Variants in COL11A1 observed in about 807,000 individuals in gnomAD.
The protein encoded by COL11A1 is collagen type XI alpha 1 chain.
COL11A1 carries 74 observed loss-of-function variants against 265.2 expected under a neutral mutation model. The ratio of observed to expected loss-of-function variants is 0.28; its 90% CI spans 0.23 to 0.34. The LOEUF (loss-of-function observed/expected upper bound fraction) is 0.34, where lower values mean the gene tolerates loss of function less well. Ranked by LOEUF, COL11A1 falls within the 10% of genes least tolerant of loss-of-function variation. COL11A1 has a pLI of 1.00. For synonymous variants in COL11A1, 816 were observed against 727.6 expected, an observed-to-expected ratio of 1.12 and a Z score of -1.96; for missense variants, 2,165 against 2,263.6, an observed-to-expected ratio of 0.96 and a Z score of 0.88.
At chr1:103,026,775 G>A (rs1667556114) in intron 5 of COL11A1, among the ~76,000 whole-genome samples, 1 of 152,010 alleles carries the variant, frequency 6.6e-6, no homozygotes, top group Non-Finnish European at 1.5e-5. Context: ...AATGTAGAGA[G>A]TAGTCTTCCT....
At chr1:102,990,207 CA>C (rs1054218978) in intron 28 of COL11A1, among the ~76,000 whole-genome samples, 18 of 152,148 alleles carry the variant, frequency 1.2e-4, no homozygotes, top group African/African-American at 4.3e-4. Flanking sequence ...ACAAGAACAA[CA>C]ACAACAAAAG....
In COL11A1 at chr1:103,078,685, A is replaced by C. The variant is rs1290031569; in HGVS notation, c.461T>G (p.Phe154Cys). Residue 154 changes from phenylalanine (F) to cysteine (C), a missense_variant, in exon 3 of 67, where the codon TTC becomes TGC. Physicochemically the swap from Phe to Cys is radical, Grantham distance 205. Transcript: ENST00000370096. ...CCCGTCAGCGATGTTAACAGTTCTG[A>C]AGAGGGGATAGTCTTCTGGGGCAGG... is the stretch of plus-strand genomic sequence containing the variant. ...GKPAPEDYPLFRTVNIADGKW... is the reference protein window; with the variant it reads ...GKPAPEDYPLCRTVNIADGKW... The C allele has an allele frequency of 6.2e-7, 1 of 1,613,366 alleles. No individual in the cohort carries two copies.
At chr1:102,890,325 T>C (rs1441383775) in intron 58 of COL11A1, 126 bp downstream of exon 58, 5 of 866,080 alleles carry the variant, frequency 5.8e-6, no homozygotes, top group Admixed American at 5.4e-5. Context: ...GGATTGAAGC[T>C]TTTTTCAGGG....
chr1:102,947,881 G>T (rs1395909804), intron 41 of COL11A1, among the ~76,000 whole-genome samples: 1 of 151,532 alleles, frequency 6.6e-6, no homozygotes, highest in Non-Finnish European at 1.5e-5. Context: ...ATTCTCAGAG[G>T]GGTGATTGAA....
chr1:103,016,204 T>A (rs562203058), intron 11 of COL11A1, among the ~76,000 whole-genome samples: 1 of 152,044 alleles, frequency 6.6e-6, no homozygotes, highest in East Asian at 1.9e-4. Context: ...AATACTTAAC[T>A]ACATACTATA....
intron 11 of COL11A1, 110 bp downstream of exon 11, chr1:103,017,710 T>C: frequency 1.1e-6 from 1 of 923,424 alleles, no homozygotes; most frequent in Non-Finnish European, 1.8e-6. Context: ...ATGCTGCCTT[T>C]ACCCCTCCCA....
chr1:102,913,873 A>T (rs1044687557), intron 52 of COL11A1, among the ~76,000 whole-genome samples, 183 bp from the exon 53 acceptor site: 2 of 152,180 alleles, frequency 1.3e-5, no homozygotes, highest in African/African-American at 4.8e-5. Flanking sequence ...CCGCAAAAAA[A>T]TTTGTAAAAC....
At chr1:103,100,719 G>A (rs1216602888) in intron 1 of COL11A1, 3 of 151,968 alleles carry the variant, frequency 2.0e-5, no homozygotes, top group Non-Finnish European at 2.9e-5. Flanking sequence ...AGAAGCATTA[G>A]AACACCCAGC....
chr1:102,933,014 CA>C (rs1657676602), intron 46 of COL11A1, among the ~76,000 whole-genome samples: 1 of 132,260 alleles, frequency 7.6e-6, no homozygotes, highest in Non-Finnish European at 1.6e-5. Context: ...TCAAAGTTTT[CA>C]ACTTCTTTGC....
At chr1:102,902,091 G>C (rs1306719169) in intron 54 of COL11A1, among the ~76,000 whole-genome samples, 2 of 152,186 alleles carry the variant, frequency 1.3e-5, no homozygotes, top group Non-Finnish European at 2.9e-5. Flanking sequence ...GAGTTGATGA[G>C]AGAGGGATGG....
rs758803832 is a variant in COL11A1, at chr1:103,025,603, A to G, written c.908T>C (p.Val303Ala). The G allele has an allele frequency of 6.2e-7, 1 of 1,613,506 alleles. No individual in the cohort carries two copies. Among genetic ancestry groups the G allele is most frequent in the South Asian group, 1.1e-5 (1 of 91,072 alleles). ...ETIAQTEANI[V>A]DDFQEYNYGT... is the part of the protein sequence containing the mutation. ...ATAGTTGTATTCTTGAAAATCATCA[A>G]CGATGTTTGCCTAATGGTAAATTCA... is the stretch of plus-strand genomic sequence containing the variant. The change falls in exon 7 of 67, where the codon GTT (valine) becomes GCT (alanine). Residue 303 changes from valine (V) to alanine (A), a missense_variant. By Grantham distance (64) the Val-to-Ala change is moderately conservative. Coordinates refer to ENST00000370096, the MANE Select transcript of COL11A1 (RefSeq NM_001854.4).
At chr1:102,927,068 T>A (rs151336832) in intron 46 of COL11A1, among the ~76,000 whole-genome samples, 4,824 of 152,236 alleles carry the variant, frequency 0.032, 103 homozygotes, top group Middle Eastern at 0.079. Flanking sequence ...ATTGTGTTCA[T>A]GATGCAATTT....
At chr1:103,055,901 C>A (rs1378936978) in intron 4 of COL11A1, among the ~76,000 whole-genome samples, 1 of 152,098 alleles carries the variant, frequency 6.6e-6, no homozygotes. Context: ...ACTGTGTGAG[C>A]CCGCTACAGC....
intron 63 of COL11A1, 92 bp from the exon 64 acceptor site, chr1:102,883,403 G>A: frequency 3.6e-6 from 3 of 826,964 alleles, no homozygotes; most frequent in Non-Finnish European, 6.3e-6. Context: ...AGAGAAATAA[G>A]GAAAATACAT....
intron 41 of COL11A1, among the ~76,000 whole-genome samples, chr1:102,960,701 T>A (rs186778964): frequency 6.6e-6 from 1 of 151,960 alleles, no homozygotes; most frequent in East Asian, 1.9e-4. Context: ...CAAGACAACA[T>A]TCAATGCATT....
intron 1 of COL11A1, 107 bp from the exon 2 acceptor site, chr1:103,083,079 T>A (rs1672543509): frequency 9.1e-7 from 1 of 1,093,376 alleles, no homozygotes; most frequent in Non-Finnish European, 1.3e-6. Flanking sequence ...TGAATCTATT[T>A]ATCACTTGCC....
chr1:103,082,692 C>T, intron 2 of COL11A1, 113 bp downstream of exon 2: 2 of 943,908 alleles, frequency 2.1e-6, no homozygotes, highest in Non-Finnish European at 3.2e-6. Flanking sequence ...TGCACATTAT[C>T]TAACCTGATA....
intron 14 of COL11A1, among the ~76,000 whole-genome samples, chr1:103,009,692 G>A (rs1665943053): frequency 6.6e-6 from 1 of 152,100 alleles, no homozygotes; most frequent in South Asian, 2.1e-4. Context: ...TATAAAGTAT[G>A]ACAGAGATTT....
At chr1:102,902,709 C>A (rs1653366506) in intron 54 of COL11A1, among the ~76,000 whole-genome samples, 1 of 151,520 alleles carries the variant, frequency 6.6e-6, no homozygotes, top group Non-Finnish European at 1.5e-5. Flanking sequence ...TTTATTATTA[C>A]AATGTACTTT....
Sources: gnomAD v4.1 joint callset for allele counts (sites outside exome capture counted in the v4.1 genomes callset) on GRCh38, gnomAD v4.1.1 for gene constraint, MANE v1.5 for transcripts, NCBI Gene and HGNC (gene_info 2026-07-23, HGNC 2026-07-21) for gene names.